The following FBLN5 variants were observed in gnomAD, a reference collection of about 807,000 sequenced individuals.
The protein encoded by FBLN5 is fibulin 5, also known as fibulin-5.
Under a neutral mutation model 61.6 loss-of-function variants are expected in FBLN5, and 24 were observed. The ratio of observed to expected loss-of-function variants is 0.39; its 90% CI spans 0.28 to 0.55. The LOEUF (loss-of-function observed/expected upper bound fraction) is 0.55, where lower values mean the gene tolerates loss of function less well. Among genes scored for constraint, FBLN5 ranks in the 20% least tolerant of loss-of-function variants. The pLI is 0.65. For synonymous variants in FBLN5, 213 were observed against 219.8 expected (o/e 0.97, Z 0.27); for missense variants, 470 against 594.1 (o/e 0.79, Z 2.17).
intron 4 of FBLN5, among the ~76,000 whole-genome samples, chr14:91,928,835 G>C (rs2055874079): frequency 6.6e-6 from 1 of 152,076 alleles, no homozygotes; most frequent in African/African-American, 2.4e-5. Flanking sequence ...CAGGTGGGCA[G>C]ATCATGAGAT....
intron 6 of FBLN5, among the ~76,000 whole-genome samples, chr14:91,887,605 T>C (rs777575214): frequency 3.9e-5 from 6 of 152,144 alleles, no homozygotes; most frequent in Non-Finnish European, 8.8e-5. Flanking sequence ...GGTAAGTCTA[T>C]GCTCCAACGC....
chr14:91,908,295 T>C (rs1053455271), intron 4 of FBLN5, among the ~76,000 whole-genome samples: 1 of 152,242 alleles, frequency 6.6e-6, no homozygotes, highest in African/African-American at 2.4e-5. Flanking sequence ...AAGTCACCAA[T>C]GGCCTCCTCA....
chr14:91,937,826 G>T (rs984317754), intron 3 of FBLN5, among the ~76,000 whole-genome samples: 3 of 152,122 alleles, frequency 2.0e-5, no homozygotes, highest in African/African-American at 7.2e-5. Context: ...AGGTATTTAG[G>T]TATAAGCAAC....
chr14:91,919,413 G>GGAAGGAAA (rs1376184336), intron 4 of FBLN5, among the ~76,000 whole-genome samples: 1 of 150,746 alleles, frequency 6.6e-6, no homozygotes, highest in Non-Finnish European at 1.5e-5. Flanking sequence ...AAGGAAGGAA[G>GGAAGGAAA]GAAGGAAGGA....
At chr14:91,892,619 C>A (rs1353798623) in intron 5 of FBLN5, among the ~76,000 whole-genome samples, 1 of 152,250 alleles carries the variant, frequency 6.6e-6, no homozygotes, top group Non-Finnish European at 1.5e-5. Flanking sequence ...ATAGAGGGCC[C>A]ATTGGCTGTA....
rs528378373 is a variant in FBLN5, at chr14:91,874,453, A to G, written c.1185+3034T>C. 5 of 152,200 alleles carry G rather than the reference A, an allele frequency of 3.3e-5. No homozygotes were observed. In the South Asian group the frequency reaches 8.3e-4, roughly 25 times the overall value. The allele number at this position is 152,200 out of a possible 1,614,324, so 9.4% of individuals were successfully genotyped here. On this transcript the variant is annotated intron_variant, in intron 10 of 10. Coordinates refer to ENST00000342058, the MANE Select transcript of FBLN5 (RefSeq NM_006329.4). Reference sequence around the variant, plus strand: ...AAAGCTGGAAGAGTAGGTAAAGCATACCTCCCCATTCTGAAGAAAAGTATA... The same window carrying G: ...AAAGCTGGAAGAGTAGGTAAAGCATGCCTCCCCATTCTGAAGAAAAGTATA...
rs1310525062 is a variant in FBLN5 at position 91,882,256 on chromosome 14, T to G, written c.862+698A>C. 1.3e-5 allele frequency among the ~76,000 whole-genome samples: 2 copies of G among 152,234 alleles called. No individual in the cohort carries two copies. The highest frequency in any genetic ancestry group is 1.9e-4 in the East Asian group (1 of 5,202). On this transcript the variant is annotated intron_variant, in intron 8 of 10. Coordinates refer to ENST00000342058, the MANE Select transcript of FBLN5 (RefSeq NM_006329.4). The surrounding 1 kb of genome is among the most constrained non-coding windows in gnomAD (Gnocchi z 4.9). ...ATGTGGCTAATAGAAAATGTAAAAT[T>G]ACATAGATGGCTCACATCTGTAGCT...
At chr14:91,881,826 CAAT>C (rs1889490732) in intron 8 of FBLN5, among the ~76,000 whole-genome samples, 1 of 151,288 alleles carries the variant, frequency 6.6e-6, no homozygotes, top group Non-Finnish European at 1.5e-5. Context: ...AACATCTCAT[CAAT>C]AATAATTTTT....
At chr14:91,894,450 G>A (rs562132186) in intron 5 of FBLN5, among the ~76,000 whole-genome samples, 8 of 139,764 alleles carry the variant, frequency 5.7e-5, no homozygotes, top group Non-Finnish European at 1.1e-4. Context: ...ATTCAAGGCC[G>A]TGCGTGGTGG....
intron 10 of FBLN5, among the ~76,000 whole-genome samples, chr14:91,876,697 G>A (rs945456277): frequency 6.6e-6 from 1 of 152,118 alleles, no homozygotes; most frequent in Non-Finnish European, 1.5e-5. Flanking sequence ...GATATGGAAC[G>A]GATTCTCCTC....
At chr14:91,923,043 G>A (rs1566821887) in intron 4 of FBLN5, among the ~76,000 whole-genome samples, 1 of 152,112 alleles carries the variant, frequency 6.6e-6, no homozygotes, top group Non-Finnish European at 1.5e-5. Context: ...TACCATCTCC[G>A]AAAGCTGCCT....
chr14:91,945,766 G>T (rs370815556), intron 1 of FBLN5, among the ~76,000 whole-genome samples: 10 of 152,280 alleles, frequency 6.6e-5, no homozygotes, highest in Admixed American at 5.2e-4. Flanking sequence ...GAGTCCACAA[G>T]TTTTCATGTA....
chr14:91,933,831 T>C (rs2055967877), intron 4 of FBLN5, among the ~76,000 whole-genome samples: 2 of 151,832 alleles, frequency 1.3e-5, no homozygotes, highest in African/African-American at 2.4e-5. Context: ...GAGAGATAGC[T>C]GGGTGCCACG....
At chr14:91,926,399 C>T (rs950070129) in intron 4 of FBLN5, among the ~76,000 whole-genome samples, 4 of 152,294 alleles carry the variant, frequency 2.6e-5, no homozygotes, top group East Asian at 3.9e-4. Context: ...CTGGGCACCG[C>T]GTGGCCTGTG....
chr14:91,880,526 CGTGTGTGTGTGT>C (rs140201135), intron 9 of FBLN5, among the ~76,000 whole-genome samples: 9 of 147,454 alleles, frequency 6.1e-5, no homozygotes, highest in Admixed American at 1.3e-4. Flanking sequence ...AGTGTGCGTG[CGTGTGTGTGTGT>C]GTGTGTGTGT....
At chr14:91,920,099 G>C (rs747014821) in intron 4 of FBLN5, among the ~76,000 whole-genome samples, 8 of 152,202 alleles carry the variant, frequency 5.3e-5, no homozygotes, top group Non-Finnish European at 1.2e-4. Flanking sequence ...TCAGTAGGCT[G>C]TGCTGGAATG....
At chr14:91,919,918 G>A (rs1481640844) in intron 4 of FBLN5, among the ~76,000 whole-genome samples, 1 of 152,210 alleles carries the variant, frequency 6.6e-6, no homozygotes, top group African/African-American at 2.4e-5. Context: ...CTAGTACATT[G>A]TGTGGGCTTT....
chr14:91,946,801 GT>G, intron 1 of FBLN5: 1 of 1,535,608 alleles, frequency 6.5e-7, no homozygotes, highest in Non-Finnish European at 8.7e-7. Flanking sequence ...GCCCCGCGGT[GT>G]TCAGCTAGCC....
At chr14:91,932,666 G>T (rs2055944689) in intron 4 of FBLN5, among the ~76,000 whole-genome samples, 1 of 152,180 alleles carries the variant, frequency 6.6e-6, no homozygotes, top group Non-Finnish European at 1.5e-5. Context: ...AACCTGAATT[G>T]GATCAAGTCC....
Sources: allele counts gnomAD v4.1 joint callset (sites outside exome capture counted in the v4.1 genomes callset), GRCh38; gene constraint gnomAD v4.1.1; non-coding constraint Gnocchi (gnomAD v3.1); transcripts MANE v1.5; gene names NCBI Gene and HGNC (gene_info 2026-07-23, HGNC 2026-07-21).